Variants in TSPAN9 observed in about 807,000 individuals in gnomAD.
The protein encoded by TSPAN9 is tetraspanin 9, also known as tetraspanin-9.
Under a neutral mutation model 31.0 loss-of-function variants are expected in TSPAN9, and 16 were observed. That is an observed-to-expected ratio of 0.52 (90% CI 0.35 to 0.78). TSPAN9 has a LOEUF of 0.78. Among genes scored for constraint, TSPAN9 ranks in the 30% least tolerant of loss-of-function variants. TSPAN9 has a pLI of 0.01. For synonymous variants in TSPAN9, 145 were observed against 121.6 expected (o/e 1.19, Z -1.27); for missense variants, 272 against 312.5 (o/e 0.87, Z 0.98).
In TSPAN9 at chr12:3,201,268, C is replaced by T. The variant is rs1345604854; in HGVS notation, c.63+12C>T. The T allele has an allele frequency of 1.9e-6, 3 of 1,613,394 alleles. No individual in the cohort carries two copies. The highest frequency in any genetic ancestry group is 2.5e-6 in the Non-Finnish European group (3 of 1,179,480). On this transcript the variant is annotated intron_variant, in intron 3 of 8. Coordinates refer to ENST00000011898, the MANE Select transcript of TSPAN9 (RefSeq NM_006675.5). ...ATTTGATATTCTGGGTAAGTCCTTCCGTTTCTCTCTCCCTTCGCCCTCTTC... is the reference window on the plus strand; with the variant it reads ...ATTTGATATTCTGGGTAAGTCCTTCTGTTTCTCTCTCCCTTCGCCCTCTTC...
Position 3,211,734 on chromosome 12 carries a change from C to T in TSPAN9, c.63+10478C>T, listed in dbSNP as rs897101967. The T allele has an allele frequency of 6.3e-6, 10 of 1,597,206 alleles. No homozygotes were observed. The South Asian group carries it at 1.1e-4, about 18-fold the overall frequency. On this transcript the variant is annotated intron_variant, in intron 3 of 8. Transcript: ENST00000011898. ...TTTCCTCCTGTAGGCTGGCAGAGGA[C>T]AGTGGAGCAGCCAACACACAAAACT...
chr12:3,280,762 C>A lies in TSPAN9; in HGVS notation c.432+279C>A, dbSNP rs1265014214. On this transcript the variant is annotated intron_variant, in intron 6 of 8. Transcript: ENST00000011898. This position sits in a 1 kb window ranked among gnomAD's most constrained non-coding sequence, Gnocchi z 4.5. ...TGAATTTATTTTAGCAACAGATTTG[C>A]CTCCATGATGGGGCTTGGCTTAGGT... 6.6e-6 allele frequency among the ~76,000 whole-genome samples: 1 copy of A among 152,230 alleles called. No individual in the cohort carries two copies. Among genetic ancestry groups the A allele is most frequent in the Non-Finnish European group, 1.5e-5 (1 of 68,046 alleles).
chr12:3,140,037 C>T (rs1364661826), intron 2 of TSPAN9, among the ~76,000 whole-genome samples: 1 of 152,202 alleles, frequency 6.6e-6, no homozygotes, highest in African/African-American at 2.4e-5. Flanking sequence ...AGCTCATCCA[C>T]ACACCTGGGG....
At chr12:3,164,546 C>T (rs1163141237) in intron 2 of TSPAN9, among the ~76,000 whole-genome samples, 2 of 152,228 alleles carry the variant, frequency 1.3e-5, no homozygotes, top group African/African-American at 4.8e-5. Context: ...GGCCCTTGCA[C>T]TTGTCCCAGG....
chr12:3,283,304 C>A lies in TSPAN9; in HGVS notation c.*188C>A. The A allele has an allele frequency of 3.3e-6, 2 of 598,020 alleles. No individual in the cohort carries two copies. The highest frequency in any genetic ancestry group is 2.5e-5 in the South Asian group (1 of 39,838). 37.0% of individuals were successfully genotyped at this position (598,020 alleles called of 1,614,324 possible). A position where few individuals can be genotyped will look rare whatever the true frequency, so the allele number is the denominator to read the frequency against. ...GTGGAGTGCCAGGGAGGAGGAGGCA[C>A]ACGGAGACCTGGGGCTCGGGGCCCC... On this transcript the variant is annotated 3_prime_UTR_variant, in exon 9 of 9. Transcript: ENST00000011898.
At chr12:3,162,372 T>C (rs1001912561) in intron 2 of TSPAN9, among the ~76,000 whole-genome samples, 2 of 152,226 alleles carry the variant, frequency 1.3e-5, no homozygotes, top group African/African-American at 4.8e-5. Context: ...TGTATGCAGC[T>C]GCATGCTAAA....
intron 2 of TSPAN9, among the ~76,000 whole-genome samples, chr12:3,097,345 G>T (rs1360699316): frequency 6.6e-6 from 1 of 152,248 alleles, no homozygotes; most frequent in Non-Finnish European, 1.5e-5. Context: ...AGAGGCACGT[G>T]TGTGGCTATT....
chr12:3,144,125 GAC>G (rs2098336104), intron 2 of TSPAN9, among the ~76,000 whole-genome samples: 1 of 151,942 alleles, frequency 6.6e-6, no homozygotes, highest in African/African-American at 2.4e-5. Context: ...ACTCTTTTGA[GAC>G]AGTCTTGCTG....
At chr12:3,145,975 G>A (rs376824748) in intron 2 of TSPAN9, among the ~76,000 whole-genome samples, 12 of 152,330 alleles carry the variant, frequency 7.9e-5, no homozygotes, top group Admixed American at 4.6e-4. Context: ...CCTTGCGAGC[G>A]AGCCACGGGG....
intron 2 of TSPAN9, among the ~76,000 whole-genome samples, chr12:3,183,130 G>A (rs7309644): frequency 0.36 from 54,647 of 152,148 alleles, 10,037 homozygotes; most frequent in Non-Finnish European, 0.41. Flanking sequence ...GCTCAGAGAA[G>A]GCTTCTGGAG....
chr12:3,214,909 ACGTCTT>A (rs2098380577), intron 3 of TSPAN9, among the ~76,000 whole-genome samples: 1 of 150,070 alleles, frequency 6.7e-6, no homozygotes, highest in Non-Finnish European at 1.5e-5. Flanking sequence ...CCCCCTGAAC[ACGTCTT>A]CAGGGCTGTT....
At chr12:3,277,908 G>A (rs1343159050) in intron 3 of TSPAN9, among the ~76,000 whole-genome samples, 2 of 152,204 alleles carry the variant, frequency 1.3e-5, no homozygotes, top group Admixed American at 6.5e-5. Flanking sequence ...ATGGCCCTTC[G>A]GGTCAGAGTA....
At chr12:3,240,921 C>T (rs924074323) in intron 3 of TSPAN9, among the ~76,000 whole-genome samples, 5 of 152,122 alleles carry the variant, frequency 3.3e-5, no homozygotes, top group Non-Finnish European at 5.9e-5. Context: ...CAAAGAAATC[C>T]AAATTATGCC....
intron 2 of TSPAN9, among the ~76,000 whole-genome samples, chr12:3,196,184 C>G (rs2098366983): frequency 6.6e-6 from 1 of 152,166 alleles, no homozygotes; most frequent in African/African-American, 2.4e-5. Flanking sequence ...AGCTGCCTTC[C>G]TGAGGCTGCT....
At chr12:3,096,841 C>T (rs866715266) in intron 2 of TSPAN9, among the ~76,000 whole-genome samples, 130 of 152,070 alleles carry the variant, frequency 8.5e-4, no homozygotes, top group African/African-American at 2.8e-3. Flanking sequence ...TACAGGTGCC[C>T]GCCACCACGC....
chr12:3,153,257 A>G (rs2098340715), intron 2 of TSPAN9, among the ~76,000 whole-genome samples: 2 of 152,210 alleles, frequency 1.3e-5, no homozygotes, highest in Non-Finnish European at 2.9e-5. Flanking sequence ...TGGGCATTTT[A>G]AAAAAATACT....
chr12:3,103,830 C>G, intron 2 of TSPAN9, among the ~76,000 whole-genome samples: 1 of 152,182 alleles, frequency 6.6e-6, no homozygotes, highest in Non-Finnish European at 1.5e-5. Context: ...AAGCACTGCT[C>G]CCGGCTCTGG....
chr12:3,244,655 C>T (rs149161816), intron 3 of TSPAN9, among the ~76,000 whole-genome samples: 3 of 152,276 alleles, frequency 2.0e-5, no homozygotes, highest in Admixed American at 6.5e-5. Flanking sequence ...CACCAGATGG[C>T]GATCCCCCAG....
intron 2 of TSPAN9, among the ~76,000 whole-genome samples, chr12:3,179,271 C>A (rs2153971048): frequency 6.6e-6 from 1 of 152,186 alleles, no homozygotes; most frequent in Non-Finnish European, 1.5e-5. Flanking sequence ...CATTACACAC[C>A]CCGACACTCA....
Sources: allele counts gnomAD v4.1 joint callset (sites outside exome capture counted in the v4.1 genomes callset), GRCh38; gene constraint gnomAD v4.1.1; non-coding constraint Gnocchi (gnomAD v3.1); transcripts MANE v1.5; gene names NCBI Gene and HGNC (gene_info 2026-07-23, HGNC 2026-07-21).